KCNQ5: variants seen among roughly 807,000 people sequenced by gnomAD.
KCNQ5 encodes potassium voltage-gated channel subfamily KQT member 5.
In KCNQ5, 30 loss-of-function variants were observed where a neutral mutation model predicts 98.2. The ratio of observed to expected loss-of-function variants is 0.31; its 90% CI spans 0.23 to 0.41. KCNQ5 has a LOEUF of 0.41. Among genes scored for constraint, KCNQ5 ranks in the 10% least tolerant of loss-of-function variants. KCNQ5 has a pLI of 1.00. For missense variants in KCNQ5, 835 were observed against 1,182.5 expected (o/e 0.71, Z 4.31); for synonymous variants, 458 against 449.4 (o/e 1.02, Z -0.24).
At chr6:72,725,187 G>C (rs1770201968) in intron 1 of KCNQ5, among the ~76,000 whole-genome samples, 2 of 152,002 alleles carry the variant, frequency 1.3e-5, no homozygotes, top group Admixed American at 6.6e-5. Flanking sequence ...TTTTAATGCA[G>C]TATGAAATTA....
chr6:72,672,771 T>C (rs1236366733), intron 1 of KCNQ5, among the ~76,000 whole-genome samples: 1 of 152,182 alleles, frequency 6.6e-6, no homozygotes, highest in Non-Finnish European at 1.5e-5. Flanking sequence ...ACTATAATAG[T>C]GGTAATTTTC....
chr6:72,887,238 T>C (rs1012639006), intron 1 of KCNQ5, among the ~76,000 whole-genome samples: 4 of 152,132 alleles, frequency 2.6e-5, no homozygotes, highest in African/African-American at 9.7e-5. Flanking sequence ...TGGGAAGGCC[T>C]CACAATCATG....
chr6:72,834,342 C>A (rs1225443435), intron 1 of KCNQ5, among the ~76,000 whole-genome samples: 1 of 152,108 alleles, frequency 6.6e-6, no homozygotes, highest in Non-Finnish European at 1.5e-5. Context: ...TGCTCAAAAG[C>A]AATTCTCATT....
chr6:72,893,651 A>C (rs1412598554), intron 1 of KCNQ5, among the ~76,000 whole-genome samples: 2 of 152,244 alleles, frequency 1.3e-5, no homozygotes, highest in Non-Finnish European at 2.9e-5. Flanking sequence ...TCCTGGTAAT[A>C]ATAATGAATT....
At chr6:73,149,728 C>G (rs1218168168) in intron 10 of KCNQ5, among the ~76,000 whole-genome samples, 2 of 144,664 alleles carry the variant, frequency 1.4e-5, no homozygotes, top group African/African-American at 5.2e-5. Flanking sequence ...ACCTGGCAGG[C>G]GGAGGCTGCA....
At chr6:73,102,984 C>T (rs763145723) in intron 5 of KCNQ5, among the ~76,000 whole-genome samples, 8 of 152,098 alleles carry the variant, frequency 5.3e-5, no homozygotes, top group African/African-American at 9.7e-5. Context: ...ATCAGTATAT[C>T]AAAGAGATAT....
chr6:72,687,656 G>A (rs16882707), intron 1 of KCNQ5, among the ~76,000 whole-genome samples: 9,632 of 152,172 alleles, frequency 0.063, 1,050 homozygotes, highest in African/African-American at 0.22. Flanking sequence ...AGTAAGTTTA[G>A]GAAAGTCCTG....
chr6:72,910,566 GTGT>G (rs1779898956), intron 1 of KCNQ5, among the ~76,000 whole-genome samples: 1 of 13,618 alleles, frequency 7.3e-5, no homozygotes, highest in Non-Finnish European at 2.1e-4. Flanking sequence ...GTAGGGGGGT[GTGT>G]GTGTGTGTGT....
intron 1 of KCNQ5, among the ~76,000 whole-genome samples, chr6:72,957,009 G>T (rs923076891): frequency 6.6e-6 from 1 of 152,148 alleles, no homozygotes; most frequent in Admixed American, 6.5e-5. Flanking sequence ...TTGCATTACA[G>T]TGCCCAGACA....
chr6:72,697,092 G>C (rs1044406420), intron 1 of KCNQ5, among the ~76,000 whole-genome samples: 4 of 152,160 alleles, frequency 2.6e-5, no homozygotes, highest in African/African-American at 9.7e-5. Context: ...CTGTAAAACT[G>C]TTAAGCTATA....
intron 1 of KCNQ5, among the ~76,000 whole-genome samples, chr6:72,985,954 G>A (rs948340451): frequency 1.8e-4 from 27 of 152,190 alleles, no homozygotes; most frequent in Non-Finnish European, 3.8e-4. Flanking sequence ...GTGGAGGCTA[G>A]GTATGGTGGC....
At chr6:73,106,892 A>T (rs1264132887) in intron 6 of KCNQ5, among the ~76,000 whole-genome samples, 1 of 152,200 alleles carries the variant, frequency 6.6e-6, no homozygotes, top group Non-Finnish European at 1.5e-5. Context: ...AGAACTCTCA[A>T]TAAATGTTAC....
chr6:72,742,158 G>A (rs897283610), intron 1 of KCNQ5, among the ~76,000 whole-genome samples: 1 of 152,188 alleles, frequency 6.6e-6, no homozygotes, highest in African/African-American at 2.4e-5. Flanking sequence ...TCGGGGGAAG[G>A]GTTAAGAATC....
At chr6:72,716,335 G>A (rs1196188863) in intron 1 of KCNQ5, among the ~76,000 whole-genome samples, 1 of 152,214 alleles carries the variant, frequency 6.6e-6, no homozygotes, top group East Asian at 1.9e-4. Flanking sequence ...GTAAGGCATG[G>A]TATGTGTGGT....
intron 1 of KCNQ5, among the ~76,000 whole-genome samples, chr6:72,933,809 C>G (rs991146748): frequency 1.3e-5 from 2 of 152,136 alleles, no homozygotes; most frequent in African/African-American, 4.8e-5. Flanking sequence ...TTATAGTTTA[C>G]CTTTGCATTC....
chr6:72,753,881 C>T (rs1456125993), intron 1 of KCNQ5, among the ~76,000 whole-genome samples: 4 of 152,046 alleles, frequency 2.6e-5, no homozygotes, highest in African/African-American at 9.7e-5. Flanking sequence ...AAGTCTATGA[C>T]TTGCCTTTTA....
intron 2 of KCNQ5, among the ~76,000 whole-genome samples, chr6:73,022,703 G>A (rs1260177441): frequency 1.3e-5 from 2 of 150,164 alleles, no homozygotes; most frequent in Non-Finnish European, 2.9e-5. Flanking sequence ...ATGCTTAAAT[G>A]AGAGGACCTA....
chr6:72,768,661 G>A (rs942028025), intron 1 of KCNQ5, among the ~76,000 whole-genome samples: 4 of 152,028 alleles, frequency 2.6e-5, no homozygotes, highest in Non-Finnish European at 1.5e-5. Context: ...GTGGAAGACT[G>A]AGTAGGTAAA....
At chr6:72,962,121 C>T (rs895653921) in intron 1 of KCNQ5, among the ~76,000 whole-genome samples, 3 of 148,992 alleles carry the variant, frequency 2.0e-5, no homozygotes, top group Non-Finnish European at 4.5e-5. Context: ...GAGTTTGCAG[C>T]GAGCCAAGAT....
Sources: gnomAD v4.1 joint callset for allele counts (sites outside exome capture counted in the v4.1 genomes callset) on GRCh38, gnomAD v4.1.1 for gene constraint, MANE v1.5 for transcripts, NCBI Gene and HGNC (gene_info 2026-07-23, HGNC 2026-07-21) for gene names.